The following EEF1A1 variants were observed in gnomAD, a reference collection of about 807,000 sequenced individuals.
EEF1A1 encodes the protein eukaryotic translation elongation factor 1 alpha 1, also known as elongation factor 1-alpha 1.
Under a neutral mutation model 38.5 loss-of-function variants are expected in EEF1A1, and 1 was observed. That is an observed-to-expected ratio of 0.03 (90% CI 0.01 to 0.12). The LOEUF is 0.12. Ranked by LOEUF, EEF1A1 falls within the 10% of genes least tolerant of loss-of-function variation. EEF1A1 has a pLI of 1.00. For missense variants in EEF1A1, 184 were observed against 588.3 expected (o/e 0.31, Z 7.11); for synonymous variants, 229 against 203.7 (o/e 1.12, Z -1.06).
Position 73,519,112 on chromosome 6 carries a change from T to C in EEF1A1, c.441A>G (p.Gln147=), listed in dbSNP as rs376585892. 1.4e-5 allele frequency: 22 copies of C among 1,600,102 alleles called. No individual in the cohort carries two copies. The highest frequency in any genetic ancestry group is 5.3e-5 in the African/African-American group (4 of 74,808). ...ALLAYTLGVK[Q]LIVGVNKMDS... ...CCATTTTGTTAACACCGACAATTAGTTGTTTCACACCCAGTGTGTAAGCCA... is the reference window on the plus strand; with the variant it reads ...CCATTTTGTTAACACCGACAATTAGCTGTTTCACACCCAGTGTGTAAGCCA... The change falls in exon 4 of 8, where the codon CAA becomes CAG. Residue 147 remains glutamine (Q), a synonymous_variant. Transcript: ENST00000309268.
rs1220833237 is a variant in EEF1A1, at chr6:73,516,801, GGAGT to G, written c.*1005_*1008del. The G allele has an allele frequency of 1.1e-4, 17 of 152,278 alleles. No homozygotes were observed. Among genetic ancestry groups the G allele is most frequent in the African/African-American group, 2.6e-4 (11 of 41,564 alleles). The allele number at this position is 152,278 out of a possible 1,614,324, so 9.4% of individuals were successfully genotyped here. ...AAATGCACAAATGCTTAAAGATTCA[GGAGT>G]AAGTGGGCTATTACACCTGTTAAGC... On this transcript the variant is annotated 3_prime_UTR_variant, in exon 8 of 8. Transcript: ENST00000309268.
intron 3 of EEF1A1, 43 bp from the exon 4 acceptor site, chr6:73,519,271 G>A: frequency 1.2e-6 from 2 of 1,606,132 alleles, no homozygotes; most frequent in African/African-American, 1.3e-5. Flanking sequence ...CTCTCCAAAT[G>A]ACAAAACCAG....
intron 1 of EEF1A1, chr6:73,520,286 G>A: frequency 2.4e-6 from 1 of 410,016 alleles, no homozygotes; most frequent in Non-Finnish European, 4.4e-6. Context: ...CCTGGACGGC[G>A]CCCGGTACTC....
In EEF1A1 at chr6:73,518,421, C is replaced by T. The variant is rs781437801; in HGVS notation, c.962G>A (p.Arg321His). 38 of 1,613,556 alleles carry T rather than the reference C, an allele frequency of 2.4e-5. No individual in the cohort carries two copies. In the Admixed American group the frequency reaches 4.5e-4, roughly 19 times the overall value. ...GCTGTCACCAGCAACGTTGCCACGACGAACATCCTTGACAGACACATTCTT... is the reference window on the plus strand; with the variant it reads ...GCTGTCACCAGCAACGTTGCCACGATGAACATCCTTGACAGACACATTCTT... ...NVKNVSVKDV[R>H]RGNVAGDSKN... Residue 321 changes from arginine to histidine, a missense_variant, in exon 6 of 8, where the codon CGT becomes CAT. By Grantham distance (29) the Arg-to-His change is conservative. Around this residue, in one of 3 missense-constraint regions of EEF1A1, gnomAD observed 81 missense variants for 286.3 expected, o/e 0.28. Transcript: ENST00000309268.
Position 73,519,214 on chromosome 6 carries a change from G to A in EEF1A1, c.339C>T (p.Val113=), listed in dbSNP as rs11550796. The A allele has an allele frequency of 6.2e-7, 1 of 1,604,042 alleles. No individual in the cohort carries two copies. The highest frequency in any genetic ancestry group is 8.5e-7 in the Non-Finnish European group (1 of 1,178,212). Residue 113 remains valine, a synonymous_variant, in exon 4 of 8, where the codon GTC becomes GTT. Coordinates refer to ENST00000309268, the MANE Select transcript of EEF1A1 (RefSeq NM_001402.6). ...ITGTSQADCA[V]LIVAAGVGEF... is the part of the protein sequence containing the mutation. ...CACCAACACCAGCAGCAACAATCAGGACAGCACAGTCAGCCTTTAAAGAAA... is the reference window on the plus strand; with the variant it reads ...CACCAACACCAGCAGCAACAATCAGAACAGCACAGTCAGCCTTTAAAGAAA...
chr6:73,520,228 C>T, intron 1 of EEF1A1, 172 bp from the exon 2 acceptor site: 3 of 589,208 alleles, frequency 5.1e-6, no homozygotes, highest in Non-Finnish European at 8.5e-6. Context: ...ACCCCTCCCC[C>T]CAACCTAAAG....
In EEF1A1 at chr6:73,516,275, C is replaced by A. The variant is rs1282877440; in HGVS notation, c.*1535G>T. 2 of 152,194 alleles carry A rather than the reference C, an allele frequency of 1.3e-5. No individual in the cohort carries two copies. The highest frequency in any genetic ancestry group is 2.9e-5 in the Non-Finnish European group (2 of 68,050). The allele number at this position is 152,194 out of a possible 1,614,324, so 9.4% of individuals were successfully genotyped here. On this transcript the variant is annotated 3_prime_UTR_variant, in exon 8 of 8. Transcript: ENST00000309268. The stretch of plus-strand genomic sequence containing the variant: ...ACACATTGCCAGTCACTTTAAGAGG[C>A]CTTATCTCTTGGGCTGCTTTAACTC...
At chr6:73,520,224 C>T (rs980074855) in intron 1 of EEF1A1, 168 bp from the exon 2 acceptor site, 22 of 591,324 alleles carry the variant, frequency 3.7e-5, no homozygotes, top group Admixed American at 1.7e-4. Flanking sequence ...TAAAACCCCT[C>T]CCCCCAACCT....
Position 73,517,924 on chromosome 6 carries a change from A to G in EEF1A1, c.1275T>C (p.Ala425=). The change falls in exon 8 of 8, where the codon GCT becomes GCC. Residue 425 remains alanine, a synonymous_variant. Coordinates refer to ENST00000309268, the MANE Select transcript of EEF1A1 (RefSeq NM_001402.6). The stretch of plus-strand genomic sequence containing the variant: ...CAACTGTCTGTCTCATATCACGAAC[A>G]GCAAAGCGACCTATTAAAAAAAAAG... ...FSDYPPLGRF[A]VRDMRQTVAV... 6.2e-7 allele frequency: 1 copy of G among 1,613,722 alleles called. No homozygotes were observed. Among genetic ancestry groups the G allele is most frequent in the Non-Finnish European group, 8.5e-7 (1 of 1,179,926 alleles).
rs1435956842 is a variant in EEF1A1 at position 73,519,246 on chromosome 6, ACATATCCCTGT to A, written c.325-29_325-19del. On this transcript the variant is annotated intron_variant, in intron 3 of 7. Transcript: ENST00000309268. ...CAGTCAGCCTTTAAAGAAAGCAAAG[ACATATCCCTGT>A]CAACTCTCCAAATGACAAAACCAGT... 9 of 1,607,358 alleles carry A rather than the reference ACATATCCCTGT, an allele frequency of 5.6e-6. No homozygotes were observed. The highest frequency in any genetic ancestry group is 7.6e-6 in the Non-Finnish European group (9 of 1,176,786).
chr6:73,519,282 T>C (rs1765594030), intron 3 of EEF1A1, 54 bp from the exon 4 acceptor site: 3 of 1,605,356 alleles, frequency 1.9e-6, no homozygotes, highest in Admixed American at 1.7e-5. Flanking sequence ...ACAAAACCAG[T>C]GTACAAAGCA....
Position 73,516,101 on chromosome 6 carries a change from A to T in EEF1A1, c.*1709T>A, listed in dbSNP as rs1424780657. The T allele has an allele frequency of 6.6e-6, 1 of 152,238 alleles. No homozygotes were observed. Among genetic ancestry groups the T allele is most frequent in the Non-Finnish European group, 1.5e-5 (1 of 68,034 alleles). The allele number at this position is 152,238 out of a possible 1,614,324, so 9.4% of individuals were successfully genotyped here. A position where few individuals can be genotyped will look rare whatever the true frequency, so the allele number is the denominator to read the frequency against. ...AGATAGCAAAGAAACTAAGGACAAA[A>T]ATCTCTAGTTCAATTTAGACTTGAT... On this transcript the variant is annotated 3_prime_UTR_variant, in exon 8 of 8. Transcript: ENST00000309268.
At chr6:73,520,173 C>T (rs1188529535) in intron 1 of EEF1A1, 117 bp from the exon 2 acceptor site, 3 of 949,224 alleles carry the variant, frequency 3.2e-6, no homozygotes, top group Non-Finnish European at 4.6e-6. Context: ...GCTGGCCTAA[C>T]TTCAGTCTCC....
At position 73,519,112 on chromosome 6, in the gene EEF1A1, T is replaced by G; in HGVS notation, c.441A>C (p.Gln147His). The G allele has an allele frequency of 6.2e-7, 1 of 1,600,220 alleles. No individual in the cohort carries two copies. The highest frequency in any genetic ancestry group is 8.5e-7 in the Non-Finnish European group (1 of 1,175,840). The change falls in exon 4 of 8, where the codon CAA (glutamine) becomes CAC (histidine). Residue 147 changes from glutamine (Q) to histidine (H), a missense_variant. This residue lies in a region of EEF1A1 where 57 missense variants were observed against 228.1 expected (regional missense o/e 0.25). Transcript: ENST00000309268. ...CCATTTTGTTAACACCGACAATTAG[T>G]TGTTTCACACCCAGTGTGTAAGCCA... ...ALLAYTLGVK[Q>H]LIVGVNKMDS...
Position 73,520,215 on chromosome 6 carries a change from A to T in EEF1A1, c.-30-159T>A, listed in dbSNP as rs186446616. On this transcript the variant is annotated intron_variant, in intron 1 of 7. Transcript: ENST00000309268. ...TCAGTGTGGGGAAACTCCATCGCAT[A>T]AAACCCCTCCCCCCAACCTAAAGAC... 606 of 633,086 alleles carry T rather than the reference A, an allele frequency of 9.6e-4. 1 individual carries two copies. Among genetic ancestry groups the T allele is most frequent in the African/African-American group, 7.1e-3 (384 of 53,752 alleles). The allele number at this position is 633,086 out of a possible 1,614,324, so 39.2% of individuals were successfully genotyped here.
chr6:73,520,830 G>A (rs572453895), intron 1 of EEF1A1, 170 bp downstream of exon 1: 1 of 152,584 alleles, frequency 6.6e-6, no homozygotes, highest in Non-Finnish European at 1.5e-5. Context: ...CAAGCACGAG[G>A]CGAAGGGGCT....
chr6:73,520,185 C>T (rs1561963652), intron 1 of EEF1A1, 129 bp from the exon 2 acceptor site: 8 of 830,950 alleles, frequency 9.6e-6, no homozygotes, highest in Admixed American at 5.9e-5. Context: ...TCAGTCTCCA[C>T]CCACTCAGTG....
chr6:73,520,193 G>C lies in EEF1A1; in HGVS notation c.-30-137C>G, dbSNP rs1340228105. On this transcript the variant is annotated intron_variant, in intron 1 of 7. Transcript: ENST00000309268. ...CCTAACTTCAGTCTCCACCCACTCA[G>C]TGTGGGGAAACTCCATCGCATAAAA... The C allele has an allele frequency of 8.7e-5, 66 of 760,622 alleles. 1 individual carries two copies. Among genetic ancestry groups the C allele is most frequent in the South Asian group, 7.5e-4 (39 of 51,722 alleles). The allele number at this position is 760,622 out of a possible 1,614,324, so 47.1% of individuals were successfully genotyped here. A position where few individuals can be genotyped will look rare whatever the true frequency, so the allele number is the denominator to read the frequency against.
chr6:73,519,636 G>T, intron 2 of EEF1A1, 120 bp from the exon 3 acceptor site: 1 of 1,250,480 alleles, frequency 8.0e-7, no homozygotes, highest in South Asian at 1.5e-5. Flanking sequence ...AGTGATTTTA[G>T]TCACTTTGGG....
Sources: allele counts gnomAD v4.1 joint callset, GRCh38; gene constraint gnomAD v4.1.1; regional missense constraint gnomAD v4.1.1; transcripts MANE v1.5; gene names NCBI Gene and HGNC (gene_info 2026-07-23, HGNC 2026-07-21).